Variants in ABCB8 observed in about 807,000 individuals in gnomAD.
ABCB8 encodes ATP binding cassette subfamily B member 8.
Under a neutral mutation model 73.0 loss-of-function variants are expected in ABCB8, and 52 were observed. That is an observed-to-expected ratio of 0.71 (90% CI 0.57 to 0.90). ABCB8 has a LOEUF of 0.90. ABCB8 is among the 40% of genes least tolerant of loss of function. ABCB8 has a pLI of 0.00. For synonymous variants in ABCB8, 428 were observed against 423.5 expected (o/e 1.01, Z -0.13); for missense variants, 909 against 974.6 (o/e 0.93, Z 0.90).
Position 151,041,999 on chromosome 7 carries a change from C to A in ABCB8, c.1656C>A (p.Ile552=). 6.2e-7 allele frequency: 1 copy of A among 1,613,004 alleles called. No homozygotes were observed. The highest frequency in any genetic ancestry group is 8.5e-7 in the Non-Finnish European group (1 of 1,180,002). The change falls in exon 14 of 16, where the codon ATC becomes ATA. Residue 552 remains isoleucine, a synonymous_variant. Coordinates refer to ENST00000358849, the MANE Select transcript of ABCB8 (RefSeq NM_007188.5). ...VLFGTTIMEN[I]RFGKLEASDE... is the part of the protein sequence containing the mutation. ...TTGGGACGACCATCATGGAAAACATCCGCTTTGGGAAGCTGGAAGCTTCCG... is the reference window on the plus strand; with the variant it reads ...TTGGGACGACCATCATGGAAAACATACGCTTTGGGAAGCTGGAAGCTTCCG...
chr7:151,029,187 A>C (rs759784734), intron 1 of ABCB8: 1 of 221,740 alleles, frequency 4.5e-6, no homozygotes, highest in South Asian at 6.8e-5. Flanking sequence ...TGTAATTCCA[A>C]CTACTTGGAA....
Position 151,028,620 on chromosome 7 carries a change from G to T in ABCB8, c.95+10G>T. ...CATTCTCAGCTGTCAGGTAAAAACGGAAAAACCTACTCAGAGCGGGCCATT... is the reference window on the plus strand; with the variant it reads ...CATTCTCAGCTGTCAGGTAAAAACGTAAAAACCTACTCAGAGCGGGCCATT... On this transcript the variant is annotated intron_variant, in intron 1 of 15. Transcript: ENST00000358849. The T allele has an allele frequency of 6.2e-7, 1 of 1,612,246 alleles. No homozygotes were observed. The highest frequency in any genetic ancestry group is 1.1e-5 in the South Asian group (1 of 90,858).
intron 8 of ABCB8, among the ~76,000 whole-genome samples, 161 bp from the exon 9 acceptor site, chr7:151,036,383 C>A (rs926044309): frequency 6.6e-6 from 1 of 152,184 alleles, no homozygotes; most frequent in Non-Finnish European, 1.5e-5. Context: ...TCAAGGAGGC[C>A]ATGGAGGCGT....
At chr7:151,034,668 T>A in intron 4 of ABCB8, 56 bp from the exon 5 acceptor site, 1 of 1,610,304 alleles carries the variant, frequency 6.2e-7, no homozygotes, top group Non-Finnish European at 8.5e-7. Context: ...TAGGACCTTA[T>A]CCTGAAGTAA....
chr7:151,028,560 C>G lies in ABCB8; in HGVS notation c.45C>G (p.Phe15Leu). 1 of 1,614,054 alleles carries G rather than the reference C, an allele frequency of 6.2e-7. No individual in the cohort carries two copies. Among genetic ancestry groups the G allele is most frequent in the South Asian group, 1.1e-5 (1 of 91,072 alleles). The change falls in exon 1 of 16, where the codon TTC (phenylalanine) becomes TTG (leucine). Residue 15 changes from phenylalanine to leucine, a missense_variant. Coordinates refer to ENST00000358849, the MANE Select transcript of ABCB8 (RefSeq NM_007188.5). ...LFRVGIRGGP[F>L]PGRLLPPLRF... ...GGGTCGGGATTCGGGGTGGCCCATT[C>G]CCAGGCAGGCTGCTACCGCCCCTCC...
Position 151,045,328 on chromosome 7 carries a change from G to A in ABCB8, c.2136G>A (p.Arg712=). ...CGCCCAAAAAGCCAGAAGGCCCCAG[G>A]AGCCACCAGCACAAGTCCTGAGAAG... ...APPPKKPEGP[R]SHQHKS Residue 712 remains arginine (R), a synonymous_variant, in exon 16 of 16, where the codon AGG becomes AGA. Transcript: ENST00000358849. 6.3e-7 allele frequency: 1 copy of A among 1,588,994 alleles called. No homozygotes were observed. The highest frequency in any genetic ancestry group is 8.6e-7 in the Non-Finnish European group (1 of 1,167,620).
intron 1 of ABCB8, among the ~76,000 whole-genome samples, chr7:151,030,126 A>G (rs1331528634): frequency 2.0e-5 from 3 of 152,262 alleles, no homozygotes; most frequent in African/African-American, 4.8e-5. Flanking sequence ...GAGAAACCCA[A>G]GGAAAGACAT....
chr7:151,036,830 C>T (rs746691595), intron 9 of ABCB8, 181 bp downstream of exon 9: 128 of 759,888 alleles, frequency 1.7e-4, no homozygotes, highest in Admixed American at 5.6e-4. Flanking sequence ...CCATAACAAC[C>T]CTCCTGGCTG....
intron 1 of ABCB8, among the ~76,000 whole-genome samples, chr7:151,032,082 A>G (rs1796179574): frequency 6.6e-6 from 1 of 152,002 alleles, no homozygotes; most frequent in Non-Finnish European, 1.5e-5. Context: ...TCAGCCATAC[A>G]ATTCCTGAAA....
Position 151,035,678 on chromosome 7 carries a change from T to C in ABCB8, c.863T>C (p.Leu288Pro). The C allele has an allele frequency of 1.2e-6, 2 of 1,613,664 alleles. No individual in the cohort carries two copies. The highest frequency in any genetic ancestry group is 1.7e-6 in the Non-Finnish European group (2 of 1,180,022). ...TLLLMVATPA[L>P]MGVGTLMGSG... Reference sequence around the variant, plus strand: ...CTGCTGATGGTGGCCACACCAGCCCTGATGGGAGTGGGCACCCTGATGGGC... The same window carrying C: ...CTGCTGATGGTGGCCACACCAGCCCCGATGGGAGTGGGCACCCTGATGGGC... The change falls in exon 6 of 16, where the codon CTG becomes CCG. Residue 288 changes from leucine (L) to proline (P), a missense_variant. Transcript: ENST00000358849.
Position 151,028,606 on chromosome 7 carries a change from G to C in ABCB8, c.91G>C (p.Val31Leu). The C allele has an allele frequency of 6.2e-7, 1 of 1,613,490 alleles. No individual in the cohort carries two copies. Among genetic ancestry groups the C allele is most frequent in the Non-Finnish European group, 8.5e-7 (1 of 1,179,992 alleles). ...PPLRFQTFSA[V>L]RYSDGYRSSS... is the part of the protein sequence containing the mutation. ...CCTCCGCTTCCAGACATTCTCAGCT[G>C]TCAGGTAAAAACGGAAAAACCTACT... Residue 31 changes from valine to leucine, a missense_variant, in exon 1 of 16, where the codon GTC (valine) becomes CTC (leucine). Coordinates refer to ENST00000358849, the MANE Select transcript of ABCB8 (RefSeq NM_007188.5).
intron 2 of ABCB8, 98 bp from the exon 3 acceptor site, chr7:151,034,175 G>A: frequency 7.2e-7 from 1 of 1,384,458 alleles, no homozygotes; most frequent in Non-Finnish European, 9.9e-7. Flanking sequence ...CAAGCGCAGT[G>A]CTCAGTAGTG....
At chr7:151,042,602 CT>C (rs904630847) in intron 14 of ABCB8, among the ~76,000 whole-genome samples, 3 of 152,240 alleles carry the variant, frequency 2.0e-5, no homozygotes, top group African/African-American at 7.2e-5. Context: ...GGAGAGGGCT[CT>C]GGTGGTTCTG....
chr7:151,028,811 C>T, intron 1 of ABCB8: 1 of 1,552,214 alleles, frequency 6.4e-7, no homozygotes. Context: ...GAGGCTCCTG[C>T]GTCTGCAGCC....
Position 151,036,534 on chromosome 7 carries a change from T to C in ABCB8, c.1112-10T>C, listed in dbSNP as rs773911539. ...TGGCTTCGTCCTCCCTCACTTCCCC[T>C]CTCCTGCAGGCATGGTCTTGGGTAC... is the stretch of plus-strand genomic sequence containing the variant. On this transcript the variant is annotated splice_polypyrimidine_tract_variant and intron_variant, in intron 8 of 15. Coordinates refer to ENST00000358849, the MANE Select transcript of ABCB8 (RefSeq NM_007188.5). 1.9e-6 allele frequency: 3 copies of C among 1,612,050 alleles called. No homozygotes were observed. Among genetic ancestry groups the C allele is most frequent in the Admixed American group, 1.7e-5 (1 of 60,002 alleles).
At chr7:151,043,833 G>A in intron 14 of ABCB8, 138 bp from the exon 15 acceptor site, 2 of 1,251,732 alleles carry the variant, frequency 1.6e-6, no homozygotes, top group Non-Finnish European at 1.1e-6. Flanking sequence ...GTGGGGGTCA[G>A]AGGCAGGAGG....
At chr7:151,039,669 T>C (rs1796403895) in intron 9 of ABCB8, 1 of 152,332 alleles carries the variant, frequency 6.6e-6, no homozygotes, top group African/African-American at 2.4e-5. Context: ...TTTTGGGGTC[T>C]CCTGAGAGTT....
intron 13 of ABCB8, among the ~76,000 whole-genome samples, chr7:151,041,730 TC>T (rs1796469952): frequency 6.6e-6 from 1 of 152,166 alleles, no homozygotes; most frequent in Admixed American, 6.5e-5. Flanking sequence ...CTCCTCCCAC[TC>T]CCACTCCTGG....
intron 5 of ABCB8, among the ~76,000 whole-genome samples, chr7:151,035,085 G>A (rs1796266974): frequency 1.3e-5 from 2 of 152,242 alleles, no homozygotes; most frequent in Admixed American, 6.5e-5. Flanking sequence ...GCCTTCCCAA[G>A]CACTCAGACA....
Sources: allele counts gnomAD v4.1 joint callset (sites outside exome capture counted in the v4.1 genomes callset), GRCh38; gene constraint gnomAD v4.1.1; transcripts MANE v1.5; gene names NCBI Gene and HGNC (gene_info 2026-07-23, HGNC 2026-07-21).